Variants in SFXN2 observed in about 807,000 individuals in gnomAD.
The protein encoded by SFXN2 is sideroflexin 2.
Under a neutral mutation model 41.9 loss-of-function variants are expected in SFXN2, and 37 were observed. The observed-to-expected ratio is 0.88, with a 90% CI of 0.68 to 1.16. SFXN2 has a LOEUF of 1.16. Among genes scored for constraint, SFXN2 ranks in the 50% most tolerant of loss-of-function variants. SFXN2 has a pLI of 0.00. For missense variants in SFXN2, 386 were observed against 425.2 expected (o/e 0.91, Z 0.81); for synonymous variants, 150 against 156.7 (o/e 0.96, Z 0.32).
intron 3 of SFXN2, 83 bp downstream of exon 3, chr10:102,727,240 TTCTCTTG>T: frequency 1.4e-6 from 2 of 1,431,654 alleles, no homozygotes; most frequent in Non-Finnish European, 1.9e-6. Context: ...ATAATAATAG[TTCTCTTG>T]ATTGGTCACT....
chr10:102,732,983 C>T, intron 9 of SFXN2, 75 bp downstream of exon 9: 2 of 1,459,534 alleles, frequency 1.4e-6, no homozygotes, highest in South Asian at 1.1e-5. Context: ...GATACCTGAC[C>T]TGCCCTCCCC....
chr10:102,729,520 C>A, intron 5 of SFXN2, 126 bp downstream of exon 5: 3 of 1,239,646 alleles, frequency 2.4e-6, no homozygotes, highest in Non-Finnish European at 3.4e-6. Context: ...CCCGGCTGGC[C>A]AAGTGATGAG....
At chr10:102,733,488 G>A (rs948808398) in intron 9 of SFXN2, 66 bp from the exon 10 acceptor site, 2 of 1,338,508 alleles carry the variant, frequency 1.5e-6, no homozygotes, top group Non-Finnish European at 2.1e-6. Context: ...TGGCAGAGCA[G>A]GGTTGGGGTT....
intron 11 of SFXN2, among the ~76,000 whole-genome samples, chr10:102,737,098 G>A (rs1300120320): frequency 6.6e-6 from 1 of 152,070 alleles, no homozygotes; most frequent in Non-Finnish European, 1.5e-5. Flanking sequence ...AGGTTGCGGT[G>A]AGCCGAGATT....
At chr10:102,728,993 C>T (rs184270824) in intron 4 of SFXN2, among the ~76,000 whole-genome samples, 1 of 152,100 alleles carries the variant, frequency 6.6e-6, no homozygotes, top group Non-Finnish European at 1.5e-5. Context: ...TTAGAGCAGT[C>T]CCATCTGTGA....
In SFXN2 at chr10:102,740,877, ACTC is replaced by A. The variant is rs1468607866; in HGVS notation, c.*3118_*3120del. On this transcript the variant is annotated 3_prime_UTR_variant, in exon 12 of 12. Coordinates refer to ENST00000369893, the MANE Select transcript of SFXN2 (RefSeq NM_178858.6). ...CCAGAGCCAGTAGAGCTTGGAAACAACTCCTGACTGATGTTCTTTCAGAACATA... is the reference window on the plus strand; with the variant it reads ...CCAGAGCCAGTAGAGCTTGGAAACAACTGACTGATGTTCTTTCAGAACATA... 6.6e-6 allele frequency: 1 copy of A among 152,012 alleles called. No homozygotes were observed. Among genetic ancestry groups the A allele is most frequent in the African/African-American group, 2.4e-5 (1 of 41,368 alleles). 9.4% of individuals were successfully genotyped at this position (152,012 alleles called of 1,614,324 possible).
At chr10:102,724,692 C>T (rs1238761877) in intron 1 of SFXN2, among the ~76,000 whole-genome samples, 1 of 151,646 alleles carries the variant, frequency 6.6e-6, no homozygotes, top group African/African-American at 2.4e-5. Context: ...CAGAGCAAGA[C>T]TCCGTCTCAA....
rs937870384 is a variant in SFXN2 at position 102,723,409 on chromosome 10, G to A, written c.-25-3203G>A. Among the ~76,000 whole-genome samples, 9 of 151,610 alleles carry A rather than the reference G, an allele frequency of 5.9e-5. No homozygotes were observed. The East Asian group carries it at 1.4e-3, about 23-fold the overall frequency. On this transcript the variant is annotated intron_variant, in intron 1 of 11. Transcript: ENST00000369893. ...TGAGATAACGGGCACCTGCCACTGC[G>A]CCCGGCTAATTTTTGTATTTTTAGT...
At chr10:102,719,433 T>C (rs999830839) in intron 1 of SFXN2, among the ~76,000 whole-genome samples, 1 of 151,438 alleles carries the variant, frequency 6.6e-6, no homozygotes. Context: ...TTCACCATCT[T>C]GGCCAGCCTG....
Position 102,729,819 on chromosome 10 carries a change from G to T in SFXN2, c.593+11G>T. ...CATGATGCGACAGCAGTGAGTAAAG[G>T]CCCCTTTTTCTCCCTACAAACCACA... On this transcript the variant is annotated intron_variant, in intron 6 of 11. Coordinates refer to ENST00000369893, the MANE Select transcript of SFXN2 (RefSeq NM_178858.6). 6.2e-7 allele frequency: 1 copy of T among 1,613,644 alleles called. No individual in the cohort carries two copies. The highest frequency in any genetic ancestry group is 8.5e-7 in the Non-Finnish European group (1 of 1,179,932).
rs773260294 is a variant in SFXN2, at chr10:102,728,440, G to A, written c.342G>A (p.Pro114=). The part of the protein sequence containing the change: ...GFMLQFYRTM[P]AVIFWQWVNQ... ...CCTTCCTCACTGGTAGGACGATGCC[G>A]GCGGTGATCTTCTGGCAGTGGGTGA... The change falls in exon 4 of 12, where the codon CCG becomes CCA. Residue 114 remains proline (P), a synonymous_variant. Coordinates refer to ENST00000369893, the MANE Select transcript of SFXN2 (RefSeq NM_178858.6). The A allele has an allele frequency of 1.8e-5, 29 of 1,613,910 alleles. No homozygotes were observed. The South Asian group carries it at 2.4e-4, about 13-fold the overall frequency.
In SFXN2 at chr10:102,742,900, A is replaced by G. The variant is rs1484592559; in HGVS notation, c.*5138A>G. 1.3e-5 allele frequency: 2 copies of G among 152,280 alleles called. No individual in the cohort carries two copies. Among genetic ancestry groups the G allele is most frequent in the Non-Finnish European group, 2.9e-5 (2 of 68,064 alleles). 9.4% of individuals were successfully genotyped at this position (152,280 alleles called of 1,614,324 possible). On this transcript the variant is annotated 3_prime_UTR_variant, in exon 12 of 12. Coordinates refer to ENST00000369893, the MANE Select transcript of SFXN2 (RefSeq NM_178858.6). ...CAGGCACGCAGATATAAGTGTTACA[A>G]GAATCCAGAAGAAGCAGCAAGGAGA...
intron 6 of SFXN2, among the ~76,000 whole-genome samples, chr10:102,730,733 C>G (rs1420451386): frequency 1.3e-5 from 2 of 151,770 alleles, no homozygotes; most frequent in East Asian, 3.9e-4. Flanking sequence ...GGAGGATCAC[C>G]TGAGGCCAGG....
At position 102,717,349 on chromosome 10, in the gene SFXN2, T is replaced by C. The variant is rs571307401; in HGVS notation, c.-26+2668T>C. ...AGTTTCACAGGGTTAGCCAGGATGGTCTCGATCTGACCTCGTGATCCGTCC... is the reference window on the plus strand; with the variant it reads ...AGTTTCACAGGGTTAGCCAGGATGGCCTCGATCTGACCTCGTGATCCGTCC... On this transcript the variant is annotated intron_variant, in intron 1 of 11. Transcript: ENST00000369893. Among the ~76,000 whole-genome samples, 151 of 152,154 alleles carry C rather than the reference T, an allele frequency of 9.9e-4. 1 individual carries two copies. Among genetic ancestry groups the C allele is most frequent in the Non-Finnish European group, 1.6e-3 (112 of 67,976 alleles).
At position 102,734,489 on chromosome 10, in the gene SFXN2, A is replaced by G. The variant is rs974411720; in HGVS notation, c.821+886A>G. 2.0e-5 allele frequency among the ~76,000 whole-genome samples: 3 copies of G among 152,248 alleles called. No homozygotes were observed. Among genetic ancestry groups the G allele is most frequent in the African/African-American group, 7.2e-5 (3 of 41,460 alleles). ...TATTATCATCTCCTTTTACAAATGA[A>G]GAAACTGAGACTTAGACAGAGTAAG... On this transcript the variant is annotated intron_variant, in intron 10 of 11. Transcript: ENST00000369893. This position sits in a 1 kb window ranked among gnomAD's most constrained non-coding sequence, Gnocchi z 4.1.
chr10:102,735,342 C>A (rs2064761155), intron 10 of SFXN2, among the ~76,000 whole-genome samples: 1 of 151,164 alleles, frequency 6.6e-6, no homozygotes, highest in Non-Finnish European at 1.5e-5. Context: ...GCTCCTCAAC[C>A]TCCAAGTCAT....
intron 2 of SFXN2, 85 bp from the exon 3 acceptor site, chr10:102,726,902 C>T (rs1310784462): frequency 6.3e-7 from 1 of 1,578,318 alleles, no homozygotes; most frequent in Non-Finnish European, 8.6e-7. Flanking sequence ...AATCTCAGGG[C>T]TGGGGGCTGG....
chr10:102,736,195 TC>T, intron 11 of SFXN2, among the ~76,000 whole-genome samples: 1 of 152,114 alleles, frequency 6.6e-6, no homozygotes, highest in East Asian at 1.9e-4. Flanking sequence ...CAACAGACTT[TC>T]TCTTCCTGCC....
chr10:102,729,436 C>A, intron 5 of SFXN2, 42 bp downstream of exon 5: 1 of 1,604,414 alleles, frequency 6.2e-7, no homozygotes, highest in Non-Finnish European at 8.5e-7. Context: ...CACGCGGGGG[C>A]AGCAGAGTCC....
Sources: gnomAD v4.1 joint callset for allele counts (sites outside exome capture counted in the v4.1 genomes callset) on GRCh38, gnomAD v4.1.1 for gene constraint, Gnocchi (gnomAD v3.1) non-coding constraint, MANE v1.5 for transcripts, NCBI Gene and HGNC (gene_info 2026-07-23, HGNC 2026-07-21) for gene names.